SHANK2: variants seen among roughly 807,000 people sequenced by gnomAD.
SHANK2 encodes the protein SH3 and multiple ankyrin repeat domains 2, also known as SH3 and multiple ankyrin repeat domains protein 2.
A neutral mutation model predicts 133.7 loss-of-function variants in SHANK2; 43 were observed. The observed-to-expected ratio is 0.32, with a 90% CI of 0.25 to 0.41. The LOEUF (loss-of-function observed/expected upper bound fraction) is 0.41, where lower values mean the gene tolerates loss of function less well. SHANK2 is among the 10% of genes least tolerant of loss of function. SHANK2 has a pLI of 1.00. For synonymous variants in SHANK2, 1,017 were observed against 952.8 expected, an observed-to-expected ratio of 1.07 and a Z score of -1.24; for missense variants, 1,994 against 2,235.8, an observed-to-expected ratio of 0.89 and a Z score of 2.18.
At chr11:70,790,273 G>A (rs1368570286) in intron 14 of SHANK2, among the ~76,000 whole-genome samples, 3 of 152,080 alleles carry the variant, frequency 2.0e-5, no homozygotes, top group African/African-American at 7.2e-5. Context: ...GGGGAGGTGG[G>A]CACTGTCTCT....
chr11:70,827,170 A>T (rs1948654948), intron 11 of SHANK2, among the ~76,000 whole-genome samples: 1 of 152,144 alleles, frequency 6.6e-6, no homozygotes, highest in Non-Finnish European at 1.5e-5. Context: ...TTTCTGTTCA[A>T]AAGAATCAGA....
intron 4 of SHANK2, among the ~76,000 whole-genome samples, chr11:71,118,077 T>C (rs781929610): frequency 3.3e-5 from 5 of 152,048 alleles, no homozygotes; most frequent in Admixed American, 6.6e-5. Context: ...CATTAGGCGC[T>C]GGGAAGGAAA....
At chr11:71,100,301 G>A (rs1951697457) in intron 6 of SHANK2, among the ~76,000 whole-genome samples, 1 of 152,152 alleles carries the variant, frequency 6.6e-6, no homozygotes, top group Non-Finnish European at 1.5e-5. Flanking sequence ...ACGTCCACAA[G>A]GAAATCTGAA....
intron 17 of SHANK2, among the ~76,000 whole-genome samples, chr11:70,656,085 C>T (rs914463838): frequency 1.1e-4 from 16 of 152,324 alleles, no homozygotes; most frequent in South Asian, 2.1e-4. Context: ...AGGAACCACC[C>T]ACATCCTCCT....
intron 13 of SHANK2, among the ~76,000 whole-genome samples, chr11:70,803,865 T>C (rs767068029): frequency 2.0e-5 from 3 of 151,808 alleles, no homozygotes; most frequent in Non-Finnish European, 4.4e-5. Context: ...TACACACCTA[T>C]TTTTGGGCAC....
rs150126535 is a variant in SHANK2 at position 70,848,346 on chromosome 11, C to T, written c.1175-27664G>A. On this transcript the variant is annotated intron_variant, in intron 11 of 25. Coordinates refer to ENST00000601538, the MANE Select transcript of SHANK2 (RefSeq NM_012309.5). ...ATTGTGGGGTGGGGGGTTTGAAAGA[C>T]GGGCAATGTCAGGGCCTGGCGGGGG... Among the ~76,000 whole-genome samples the T allele has an allele frequency of 2.2e-3, 342 of 152,230 alleles. 1 individual carries two copies. Among genetic ancestry groups the T allele is most frequent in the African/African-American group, 7.3e-3 (303 of 41,526 alleles).
At chr11:70,665,780 A>T (rs935543670) in intron 15 of SHANK2, among the ~76,000 whole-genome samples, 3 of 152,204 alleles carry the variant, frequency 2.0e-5, no homozygotes, top group African/African-American at 7.2e-5. Flanking sequence ...AAGTGAGGCG[A>T]TGCCCAGTGA....
intron 8 of SHANK2, among the ~76,000 whole-genome samples, chr11:71,079,417 G>C (rs1324649625): frequency 1.3e-5 from 2 of 152,104 alleles, no homozygotes; most frequent in African/African-American, 4.8e-5. Context: ...TACTATTCTT[G>C]CAACTATTCT....
intron 17 of SHANK2, among the ~76,000 whole-genome samples, chr11:70,596,115 T>C (rs2060396569): frequency 6.6e-6 from 1 of 152,230 alleles, no homozygotes. Context: ...TTCAGAATTC[T>C]GGCCTCTAGA....
chr11:71,246,133 G>A (rs558756235), intron 1 of SHANK2, among the ~76,000 whole-genome samples: 1 of 152,144 alleles, frequency 6.6e-6, no homozygotes, highest in Non-Finnish European at 1.5e-5. Context: ...AGGAAAGACA[G>A]GCTTGGAAGC....
chr11:71,153,284 C>T (rs186822026), intron 2 of SHANK2, among the ~76,000 whole-genome samples: 340 of 125,578 alleles, frequency 2.7e-3, no homozygotes, highest in South Asian at 3.6e-3. Context: ...ACTAATCTCT[C>T]GGGCGGGTCG....
In SHANK2 at chr11:70,703,638, G is replaced by A. The variant is rs540264936; in HGVS notation, c.1778-4875C>T. On this transcript the variant is annotated intron_variant, in intron 14 of 25. Coordinates refer to ENST00000601538, the MANE Select transcript of SHANK2 (RefSeq NM_012309.5). The stretch of plus-strand genomic sequence containing the variant: ...GTGGGTCACAAATAAAACACCCTGA[G>A]GCAGACGAGGGGAGGAGCAGGAGGT... Among the ~76,000 whole-genome samples, 3 of 152,236 alleles carry A rather than the reference G, an allele frequency of 2.0e-5. No homozygotes were observed. In the East Asian group the frequency reaches 5.8e-4, roughly 30 times the overall value.
chr11:71,170,538 G>A (rs1234254669), intron 2 of SHANK2, among the ~76,000 whole-genome samples: 3 of 152,208 alleles, frequency 2.0e-5, no homozygotes, highest in Non-Finnish European at 4.4e-5. Flanking sequence ...GGATGTCTGT[G>A]AAAGCAGAAG....
intron 14 of SHANK2, among the ~76,000 whole-genome samples, chr11:70,785,462 T>G (rs1331532207): frequency 6.6e-6 from 1 of 152,008 alleles, no homozygotes; most frequent in African/African-American, 2.4e-5. Flanking sequence ...TCCTCTCTCC[T>G]TTTTTTTGCC....
intron 10 of SHANK2, among the ~76,000 whole-genome samples, chr11:70,945,552 T>C (rs1481646120): frequency 2.6e-5 from 4 of 152,104 alleles, no homozygotes; most frequent in African/African-American, 9.7e-5. Flanking sequence ...ACTTCTTCAT[T>C]TCACACAACG....
chr11:70,902,131 T>C (rs1382508754), intron 10 of SHANK2, among the ~76,000 whole-genome samples: 2 of 152,218 alleles, frequency 1.3e-5, no homozygotes, highest in Admixed American at 6.5e-5. Context: ...TTCTGTGCCA[T>C]GCCACTGGAC....
At chr11:70,874,285 A>G (rs573402617) in intron 11 of SHANK2, among the ~76,000 whole-genome samples, 1 of 151,776 alleles carries the variant, frequency 6.6e-6, no homozygotes, top group South Asian at 2.1e-4. Context: ...ATCTAATCTA[A>G]TCTATCTAAT....
intron 17 of SHANK2, among the ~76,000 whole-genome samples, chr11:70,592,922 A>C (rs1011859858): frequency 2.0e-5 from 3 of 152,072 alleles, no homozygotes; most frequent in Admixed American, 6.6e-5. Flanking sequence ...CCCTGCCCCC[A>C]GGCCTGTCAC....
intron 11 of SHANK2, among the ~76,000 whole-genome samples, chr11:70,850,234 A>T (rs1949064796): frequency 6.6e-6 from 1 of 152,202 alleles, no homozygotes; most frequent in Admixed American, 6.5e-5. Context: ...TCAGGTGACC[A>T]GATGGGATCA....
Sources: gnomAD v4.1 joint callset for allele counts (sites outside exome capture counted in the v4.1 genomes callset) on GRCh38, gnomAD v4.1.1 for gene constraint, MANE v1.5 for transcripts, NCBI Gene and HGNC (gene_info 2026-07-23, HGNC 2026-07-21) for gene names.